The following ZNF33A variants were observed in gnomAD, a reference collection of about 807,000 sequenced individuals.
ZNF33A encodes the protein brain my041 protein.
ZNF33A carries 9 observed loss-of-function variants against 15.9 expected under a neutral mutation model. That is an observed-to-expected ratio of 0.57 (90% CI 0.34 to 0.99). The LOEUF (loss-of-function observed/expected upper bound fraction) is 0.99. ZNF33A is among the 50% of genes least tolerant of loss of function. The pLI is 0.02. For synonymous variants in ZNF33A, 294 were observed against 324.2 expected (o/e 0.91, Z 1.00); for missense variants, 843 against 941.6 (o/e 0.90, Z 1.37).
At chr10:38,016,837 C>CT (rs1160115902) in intron 2 of ZNF33A, 34 bp from the exon 3 acceptor site, 1 of 1,608,730 alleles carries the variant, frequency 6.2e-7, no homozygotes, top group African/African-American at 1.4e-5. Flanking sequence ...GCCCATACTT[C>CT]TTTTTTCATG....
At chr10:38,036,602 T>TA (rs563330788) in intron 4 of ZNF33A, among the ~76,000 whole-genome samples, 66 of 150,016 alleles carry the variant, frequency 4.4e-4, no homozygotes, top group Admixed American at 4.7e-4. Context: ...CTCAACTTGG[T>TA]AAAAAAAAAA....
intron 1 of ZNF33A, among the ~76,000 whole-genome samples, chr10:38,011,383 G>C (rs1023276157): frequency 3.3e-5 from 5 of 152,098 alleles, no homozygotes; most frequent in African/African-American, 1.2e-4. Flanking sequence ...TCAGAAATTC[G>C]AGACCAGCCT....
chr10:38,039,065 T>C (rs2065577197), intron 4 of ZNF33A, among the ~76,000 whole-genome samples: 1 of 152,136 alleles, frequency 6.6e-6, no homozygotes, highest in African/African-American at 2.4e-5. Context: ...ACCAGAGTAG[T>C]AGTATTGGGA....
At chr10:38,026,638 C>CT in intron 4 of ZNF33A, among the ~76,000 whole-genome samples, 1 of 152,196 alleles carries the variant, frequency 6.6e-6, no homozygotes, top group Non-Finnish European at 1.5e-5. Context: ...CCTTAACTTA[C>CT]TTTTTCTTTT....
intron 4 of ZNF33A, among the ~76,000 whole-genome samples, chr10:38,037,175 C>G (rs1470521558): frequency 6.6e-6 from 1 of 152,092 alleles, no homozygotes; most frequent in Non-Finnish European, 1.5e-5. Flanking sequence ...AGATCCACTC[C>G]TGTATTTTCT....
At chr10:38,042,503 C>CTTTTTTTTTTTTTTTTCTTTTTTTTT (rs34942508) in intron 4 of ZNF33A, among the ~76,000 whole-genome samples, 1 of 135,518 alleles carries the variant, frequency 7.4e-6, no homozygotes, top group Non-Finnish European at 1.6e-5. Context: ...TTGCTTTATT[C>CTTTTTTTTTTTTTTTTCTTTTTTTTT]TTTTTTTTTT....
In ZNF33A at chr10:38,055,832, C is replaced by G; in HGVS notation, c.1708C>G (p.Gln570Glu). ...KFFSHKSTLS[Q>E]HYRTHTGEKP... ...CTTTAGCCATAAGTCAACCCTCTCT[C>G]AACATTATAGAACACACACAGGGGA... Residue 570 changes from glutamine (Q) to glutamate (E), a missense_variant, in exon 5 of 5, where the codon CAA becomes GAA. Gln to Glu is a conservative substitution (Grantham distance 29). Transcript: ENST00000432900. 2.5e-6 allele frequency: 4 copies of G among 1,612,354 alleles called. No homozygotes were observed. The highest frequency in any genetic ancestry group is 3.4e-6 in the Non-Finnish European group (4 of 1,179,404).
chr10:38,032,368 G>A (rs973758722), intron 4 of ZNF33A, among the ~76,000 whole-genome samples: 1 of 152,136 alleles, frequency 6.6e-6, no homozygotes, highest in African/African-American at 2.4e-5. Flanking sequence ...TTCACATACT[G>A]TACTCTTCAC....
chr10:38,017,737 T>G (rs1348372554), intron 4 of ZNF33A: 1 of 186,340 alleles, frequency 5.4e-6, no homozygotes, highest in African/African-American at 2.4e-5. Flanking sequence ...TTGTCAGAAT[T>G]TTTTATACAC....
At chr10:38,013,849 T>C (rs2064315013) in intron 2 of ZNF33A, among the ~76,000 whole-genome samples, 1 of 151,990 alleles carries the variant, frequency 6.6e-6, no homozygotes, top group African/African-American at 2.4e-5. Context: ...AAATAATGAA[T>C]ACACAGGTCA....
At chr10:38,030,989 G>A (rs1459237910) in intron 4 of ZNF33A, among the ~76,000 whole-genome samples, 3 of 152,170 alleles carry the variant, frequency 2.0e-5, no homozygotes, top group Non-Finnish European at 4.4e-5. Flanking sequence ...GAGAGGGTGG[G>A]AGATGGCTGT....
At chr10:38,053,501 C>T (rs898301437) in intron 4 of ZNF33A, among the ~76,000 whole-genome samples, 1 of 152,108 alleles carries the variant, frequency 6.6e-6, no homozygotes, top group African/African-American at 2.4e-5. Context: ...TCCTTAAAGT[C>T]CCCATCTTCA....
At chr10:38,053,415 C>T (rs777303809) in intron 4 of ZNF33A, among the ~76,000 whole-genome samples, 17 of 152,126 alleles carry the variant, frequency 1.1e-4, no homozygotes, top group South Asian at 2.1e-4. Flanking sequence ...TTCCAGTATC[C>T]TCTTCTTCTT....
Position 38,057,879 on chromosome 10 carries a change from G to T in ZNF33A, c.*1319G>T, listed in dbSNP as rs2135783447. On this transcript the variant is annotated 3_prime_UTR_variant, in exon 5 of 5. Coordinates refer to ENST00000432900, the MANE Select transcript of ZNF33A (RefSeq NM_006954.2). The stretch of plus-strand genomic sequence containing the variant: ...AGGGCTGTTGGACTGTCATTTCAAG[G>T]CTCATTGTCCCCAGACAGGGATCTG... 1.0e-6 allele frequency: 1 copy of T among 985,464 alleles called. No homozygotes were observed. The highest frequency in any genetic ancestry group is 1.1e-4 in the East Asian group (1 of 8,804). The allele number at this position is 985,464 out of a possible 1,614,324, so 61.0% of individuals were successfully genotyped here.
At position 38,058,359 on chromosome 10, in the gene ZNF33A, T is replaced by C. The variant is rs1322122029; in HGVS notation, c.*1799T>C. On this transcript the variant is annotated 3_prime_UTR_variant, in exon 5 of 5. Coordinates refer to ENST00000432900, the MANE Select transcript of ZNF33A (RefSeq NM_006954.2). ...AACATGGACAACTCTGTCCATAAAT[T>C]TGATAACTTAGCTAAAATGGACCAA... The C allele has an allele frequency of 6.6e-6, 1 of 152,222 alleles. No homozygotes were observed. Among genetic ancestry groups the C allele is most frequent in the Admixed American group, 6.5e-5 (1 of 15,270 alleles). The allele number at this position is 152,222 out of a possible 1,614,324, so 9.4% of individuals were successfully genotyped here. A position where few individuals can be genotyped will look rare whatever the true frequency, so the allele number is the denominator to read the frequency against.
At chr10:38,052,068 C>G (rs756239629) in intron 4 of ZNF33A, among the ~76,000 whole-genome samples, 16 of 152,018 alleles carry the variant, frequency 1.1e-4, no homozygotes, top group Non-Finnish European at 1.9e-4. Flanking sequence ...ATATCAGGAA[C>G]ATGACAAGGA....
downstream of ZNF33A, chr10:38,064,327 A>T: frequency 3.8e-6 from 2 of 523,220 alleles, no homozygotes; most frequent in Admixed American, 7.2e-5. Flanking sequence ...AAAGAGTTGC[A>T]CTGAGGAAGT....
At chr10:38,066,766 C>G (rs2135798642), downstream of ZNF33A, among the ~76,000 whole-genome samples, 1 of 152,120 alleles carries the variant, frequency 6.6e-6, no homozygotes, top group South Asian at 2.1e-4. Flanking sequence ...AAAACCCCAT[C>G]TCTACTAAAA....
Position 38,056,596 on chromosome 10 carries a change from A to G in ZNF33A, c.*36A>G, listed in dbSNP as rs2066498366. 2 of 1,526,994 alleles carry G rather than the reference A, an allele frequency of 1.3e-6. No individual in the cohort carries two copies. Among genetic ancestry groups the G allele is most frequent in the Non-Finnish European group, 1.7e-6 (2 of 1,143,788 alleles). 94.6% of individuals were successfully genotyped at this position (1,526,994 alleles called of 1,614,324 possible). On this transcript the variant is annotated 3_prime_UTR_variant, in exon 5 of 5. Transcript: ENST00000432900. ...ACTCACCTTATGTTACTCCAAAGTA[A>G]TAGTAGGGGATAAACCCATAGACTA...
Sources: gnomAD v4.1 joint callset for allele counts (sites outside exome capture counted in the v4.1 genomes callset) on GRCh38, gnomAD v4.1.1 for gene constraint, MANE v1.5 for transcripts, NCBI Gene and HGNC (gene_info 2026-07-23, HGNC 2026-07-21) for gene names.